The following PAN3 variants were observed in gnomAD, a reference collection of about 807,000 sequenced individuals.
PAN3 encodes PAN2-PAN3 deadenylation complex subunit PAN3.
Under a neutral mutation model 96.2 loss-of-function variants are expected in PAN3, and 19 were observed. That is an observed-to-expected ratio of 0.20 (90% CI 0.14 to 0.29). The LOEUF is 0.29. PAN3 is among the 10% of genes least tolerant of loss of function. The pLI is 1.00. For synonymous variants in PAN3, 433 were observed against 406.6 expected (o/e 1.06, Z -0.78); for missense variants, 882 against 1,108.1 (o/e 0.80, Z 2.90).
chr13:28,166,821 G>A (rs1873606860), intron 1 of PAN3, among the ~76,000 whole-genome samples: 1 of 152,170 alleles, frequency 6.6e-6, no homozygotes, highest in Non-Finnish European at 1.5e-5. Context: ...GGCTGCACTT[G>A]AGCCACAGTG....
chr13:28,147,849 C>T (rs536724536), intron 1 of PAN3, among the ~76,000 whole-genome samples: 2 of 152,158 alleles, frequency 1.3e-5, no homozygotes, highest in South Asian at 4.1e-4. Flanking sequence ...AGCCCTCTTC[C>T]CTGAAAAAAG....
At chr13:28,163,150 C>T (rs1241670622) in intron 1 of PAN3, among the ~76,000 whole-genome samples, 5 of 150,880 alleles carry the variant, frequency 3.3e-5, no homozygotes, top group East Asian at 2.0e-4. Context: ...CCCAGGAGTT[C>T]GAGACCAGCA....
At chr13:28,265,013 G>C (rs1886042269) in intron 9 of PAN3, among the ~76,000 whole-genome samples, 1 of 151,904 alleles carries the variant, frequency 6.6e-6, no homozygotes, top group East Asian at 1.9e-4. Context: ...ATTTCTTTAG[G>C]TTCATTAGTA....
chr13:28,291,854 A>T (rs1869791856), intron 18 of PAN3, among the ~76,000 whole-genome samples: 1 of 152,142 alleles, frequency 6.6e-6, no homozygotes, highest in South Asian at 2.1e-4. Context: ...ATAAAAATAA[A>T]AACTTATAAA....
intron 15 of PAN3, 56 bp downstream of exon 15, chr13:28,277,432 C>CT: frequency 1.8e-5 from 27 of 1,528,274 alleles, no homozygotes; most frequent in East Asian, 4.7e-5. Context: ...TAAGACAGAG[C>CT]TTTTTTTGTT....
chr13:28,282,880 GTTTA>G (rs3057869), intron 17 of PAN3, among the ~76,000 whole-genome samples: 17 of 150,986 alleles, frequency 1.1e-4, no homozygotes, highest in East Asian at 5.9e-4. Flanking sequence ...TCCTTGGTTT[GTTTA>G]TTTATTTATT....
At chr13:28,190,196 C>T (rs1431515986) in intron 4 of PAN3, among the ~76,000 whole-genome samples, 2 of 152,096 alleles carry the variant, frequency 1.3e-5, no homozygotes, top group Non-Finnish European at 2.9e-5. Flanking sequence ...CCGCCCGCGT[C>T]GGCCTCCCAA....
At chr13:28,228,662 A>G (rs990693983) in intron 6 of PAN3, among the ~76,000 whole-genome samples, 11 of 152,186 alleles carry the variant, frequency 7.2e-5, no homozygotes, top group Admixed American at 1.3e-4. Context: ...AGAAAACAGT[A>G]AAATTAACAG....
Position 28,144,416 on chromosome 13 carries a change from C to T in PAN3, c.430+5329C>T, listed in dbSNP as rs1020909976. The stretch of plus-strand genomic sequence containing the variant: ...ATTTTTAGTAGAGACGGGGTTTCAC[C>T]GTGTTAGCCAGGATGGTCTCAATCT... On this transcript the variant is annotated intron_variant, in intron 1 of 18. Coordinates refer to ENST00000380958, the MANE Select transcript of PAN3 (RefSeq NM_175854.8). Among the ~76,000 whole-genome samples, 344 of 151,756 alleles carry T rather than the reference C, an allele frequency of 2.3e-3. 3 individuals are homozygous for T. The highest frequency in any genetic ancestry group is 7.4e-3 in the African/African-American group (308 of 41,404).
chr13:28,202,615 A>G (rs1878868083), intron 5 of PAN3, among the ~76,000 whole-genome samples: 1 of 151,902 alleles, frequency 6.6e-6, no homozygotes, highest in Non-Finnish European at 1.5e-5. Flanking sequence ...TTTCTCTGGG[A>G]TTACTTGTAT....
intron 17 of PAN3, among the ~76,000 whole-genome samples, chr13:28,281,737 G>C (rs1009960640): frequency 2.0e-5 from 3 of 147,588 alleles, no homozygotes; most frequent in Admixed American, 6.7e-5. Context: ...TCTAATTTTT[G>C]CATGCCTCTT....
chr13:28,216,470 G>A (rs1160561266), intron 5 of PAN3, among the ~76,000 whole-genome samples: 2 of 152,116 alleles, frequency 1.3e-5, no homozygotes, highest in Non-Finnish European at 2.9e-5. Flanking sequence ...TTAAGTATGT[G>A]CAGTGTATTA....
chr13:28,203,099 A>G (rs1022935965), intron 5 of PAN3, among the ~76,000 whole-genome samples: 8 of 151,530 alleles, frequency 5.3e-5, no homozygotes, highest in Admixed American at 4.6e-4. Flanking sequence ...AGTAGCTGGG[A>G]CCACAGGTGT....
chr13:28,270,577 A>T, intron 12 of PAN3, 124 bp from the exon 13 acceptor site: 1 of 965,416 alleles, frequency 1.0e-6, no homozygotes, highest in East Asian at 2.6e-5. Flanking sequence ...ATACACACAC[A>T]TATATAAATT....
At chr13:28,190,740 G>T (rs893854740) in intron 4 of PAN3, among the ~76,000 whole-genome samples, 1 of 152,124 alleles carries the variant, frequency 6.6e-6, no homozygotes, top group Non-Finnish European at 1.5e-5. Flanking sequence ...ATCAGATCTC[G>T]TGAGAATTCA....
intron 2 of PAN3, among the ~76,000 whole-genome samples, chr13:28,175,347 C>T (rs1240853668): frequency 6.6e-6 from 1 of 152,298 alleles, no homozygotes; most frequent in East Asian, 1.9e-4. Context: ...TAGGCACAAG[C>T]AATACTCCTC....
At position 28,138,990 on chromosome 13, in the gene PAN3, C is replaced by T; in HGVS notation, c.333C>T (p.Pro111=). 7.9e-7 allele frequency: 1 copy of T among 1,273,226 alleles called. No homozygotes were observed. The highest frequency in any genetic ancestry group is 1.5e-5 in the African/African-American group (1 of 64,726). The allele number at this position is 1,273,226 out of a possible 1,614,324, so 78.9% of individuals were successfully genotyped here. A position where few individuals can be genotyped will look rare whatever the true frequency, so the allele number is the denominator to read the frequency against. The change falls in exon 1 of 19, where the codon CCC becomes CCT. Residue 111 remains proline (P), a synonymous_variant. Transcript: ENST00000380958. ...TCGCGGGCGGGGGAGCTGGGCCGCC[C>T]CCCGGGCCCAAGAAGCCGGACCTGG... The part of the protein sequence containing the change: ...GAVAGGGAGP[P]PGPKKPDLGD...
At chr13:28,242,996 A>G (rs1218243740) in intron 6 of PAN3, among the ~76,000 whole-genome samples, 1 of 152,222 alleles carries the variant, frequency 6.6e-6, no homozygotes, top group Non-Finnish European at 1.5e-5. Context: ...ATGTTTAGAT[A>G]TATGGTAAAC....
rs867939513 is a variant in PAN3 at position 28,289,831 on chromosome 13, G to A, written c.2523+1709G>A. Among the ~76,000 whole-genome samples the A allele has an allele frequency of 7.9e-5, 12 of 152,192 alleles. 1 individual carries two copies. In the South Asian group the frequency reaches 1.7e-3, roughly 21 times the overall value. Reference sequence around the variant, plus strand: ...CGGGAGGCGGAGTTTGCAGTGAGCCGAGATTGGGCCACTGCACTCCAGTCT... The same window carrying A: ...CGGGAGGCGGAGTTTGCAGTGAGCCAAGATTGGGCCACTGCACTCCAGTCT... On this transcript the variant is annotated intron_variant, in intron 18 of 18. Coordinates refer to ENST00000380958, the MANE Select transcript of PAN3 (RefSeq NM_175854.8).
Sources: gnomAD v4.1 joint callset for allele counts (sites outside exome capture counted in the v4.1 genomes callset) on GRCh38, gnomAD v4.1.1 for gene constraint, MANE v1.5 for transcripts, NCBI Gene and HGNC (gene_info 2026-07-23, HGNC 2026-07-21) for gene names.